PCDHGA6: variants seen among roughly 807,000 people sequenced by gnomAD.
PCDHGA6 encodes the protein protocadherin gamma subfamily A, 6.
Under a neutral mutation model 60.6 loss-of-function variants are expected in PCDHGA6, and 41 were observed. The ratio of observed to expected loss-of-function variants is 0.68; its 90% confidence interval spans 0.53 to 0.88. The LOEUF (loss-of-function observed/expected upper bound fraction) is 0.88, where lower values mean the gene tolerates loss of function less well. Among genes scored for constraint, PCDHGA6 ranks in the 40% least tolerant of loss-of-function variants. The probability of loss-of-function intolerance (pLI) is 0.00; values close to 1 mark genes in which losing one functional copy is unlikely to be tolerated. For synonymous variants in PCDHGA6, 594 were observed against 524.4 expected (o/e 1.13, Z -1.81); for missense variants, 1,312 against 1,203.0 (o/e 1.09, Z -1.34).
chr5:141,471,214 A>C (rs757487718), intron 1 of PCDHGA6: 2 of 149,606 alleles, frequency 1.3e-5, no homozygotes, highest in Non-Finnish European at 3.0e-5. Context: ...CATGCCTGGC[A>C]ATTTTTTTGT....
At position 141,476,455 on chromosome 5, in the gene PCDHGA6, G is replaced by A. The variant is rs572682842; in HGVS notation, c.2425-18352G>A. The A allele has an allele frequency of 1.2e-6, 2 of 1,614,034 alleles. No individual in the cohort carries two copies. The highest frequency in any genetic ancestry group is 2.2e-5 in the South Asian group (2 of 91,084). ...CTGTAACTCTGGAGTTGGTAGTGGA[G>A]AACCCGCTGGAGCTGTTCAGCGTGG... On this transcript the variant is annotated intron_variant, in intron 1 of 3. Coordinates refer to ENST00000517434, the MANE Select transcript of PCDHGA6 (RefSeq NM_018919.3). This position sits in a 1 kb window ranked among gnomAD's most constrained non-coding sequence, Gnocchi z 7.6.
intron 1 of PCDHGA6, among the ~76,000 whole-genome samples, chr5:141,447,450 C>G (rs540357899): frequency 1.3e-5 from 2 of 152,082 alleles, no homozygotes; most frequent in African/African-American, 2.4e-5. Context: ...AATTTTTAAC[C>G]TCAGTTTTTC....
chr5:141,473,798 T>C lies in PCDHGA6; in HGVS notation c.2425-21009T>C, dbSNP rs1202883137. 2.6e-5 allele frequency among the ~76,000 whole-genome samples: 4 copies of C among 152,350 alleles called. 1 individual carries two copies. The highest frequency in any genetic ancestry group is 6.8e-3 in the Middle Eastern group (2 of 294). On this transcript the variant is annotated intron_variant, in intron 1 of 3. Transcript: ENST00000517434. ...TTTTAATTCAAGAGCAGTATGATGCTACTGAGGAGCAGCTGGACAATTGTG... is the reference window on the plus strand; with the variant it reads ...TTTTAATTCAAGAGCAGTATGATGCCACTGAGGAGCAGCTGGACAATTGTG...
intron 1 of PCDHGA6, chr5:141,398,820 G>T (rs1376527266): frequency 1.2e-6 from 2 of 1,613,854 alleles, no homozygotes; most frequent in African/African-American, 2.7e-5. Flanking sequence ...TCCGGATCCA[G>T]GTAACCGACG....
chr5:141,423,011 T>C, intron 1 of PCDHGA6: 4 of 1,614,186 alleles, frequency 2.5e-6, no homozygotes, highest in Non-Finnish European at 3.4e-6. Flanking sequence ...GTGGTTGCGG[T>C]GGACAAAGAT....
In PCDHGA6 at chr5:141,374,472, C is replaced by T. The variant is rs749966400; in HGVS notation, c.389C>T (p.Thr130Ile). The T allele has an allele frequency of 5.0e-6, 8 of 1,612,276 alleles. No individual in the cohort carries two copies. The South Asian group carries it at 7.7e-5, about 15-fold the overall frequency. ...EVEIVDINDN[T>I]PRFLKEELEV... ...GAAATAGTGGACATTAATGACAATA[C>T]ACCCCGATTCTTAAAGGAAGAATTG... The change falls in exon 1 of 4, where the codon ACA becomes ATA. Residue 130 changes from threonine to isoleucine, a missense_variant. By Grantham distance (89) the Thr-to-Ile change is moderately conservative (BLOSUM62 -1). Transcript: ENST00000517434.
At chr5:141,427,965 C>G in intron 1 of PCDHGA6, 1 of 1,590,342 alleles carries the variant, frequency 6.3e-7, no homozygotes, top group Non-Finnish European at 8.6e-7. Flanking sequence ...GCCGCGGGTG[C>G]TGTACCCCGC....
chr5:141,385,424 C>CT, intron 1 of PCDHGA6: 1 of 1,461,926 alleles, frequency 6.8e-7, no homozygotes, highest in Admixed American at 2.8e-5. Flanking sequence ...ATTTAAAAAA[C>CT]TTTATAGAGG....
chr5:141,500,187 TATTTA>T (rs1467273493), intron 2 of PCDHGA6, among the ~76,000 whole-genome samples: 2 of 110,668 alleles, frequency 1.8e-5, no homozygotes, highest in Non-Finnish European at 3.6e-5. Flanking sequence ...TTTTTATTTT[TATTTA>T]TTTATTTATT....
At position 141,485,299 on chromosome 5, in the gene PCDHGA6, G is replaced by A; in HGVS notation, c.2425-9508G>A. On this transcript the variant is annotated intron_variant, in intron 1 of 3. Coordinates refer to ENST00000517434, the MANE Select transcript of PCDHGA6 (RefSeq NM_018919.3). The surrounding 1 kb of genome is among the most constrained non-coding windows in gnomAD (Gnocchi z 5.7). ...CGGTCCCAGAGGAGTCACAGGAAGG[G>A]ACTTTTGTAGGGAATGTCGCTCAAG... 1 of 1,614,180 alleles carries A rather than the reference G, an allele frequency of 6.2e-7. No individual in the cohort carries two copies. Among genetic ancestry groups the A allele is most frequent in the Non-Finnish European group, 8.5e-7 (1 of 1,180,012 alleles).
At chr5:141,433,235 C>T (rs1307904588) in intron 1 of PCDHGA6, 13 of 1,509,616 alleles carry the variant, frequency 8.6e-6, no homozygotes, top group Non-Finnish European at 1.1e-5. Context: ...GCTCTGTCTC[C>T]CAAGCTGGAA....
At chr5:141,379,736 T>G (rs1361966211) in intron 1 of PCDHGA6, 1 of 152,178 alleles carries the variant, frequency 6.6e-6, no homozygotes, top group Non-Finnish European at 1.5e-5. Context: ...AAGTTATGGC[T>G]AAATGAGGTT....
intron 1 of PCDHGA6, chr5:141,399,019 A>G (rs576771907): frequency 2.5e-6 from 4 of 1,613,932 alleles, no homozygotes; most frequent in East Asian, 2.2e-5. Context: ...CGGAGAAATT[A>G]CCACTCAAAA....
rs1342481070 is a variant in PCDHGA6 at position 141,485,056 on chromosome 5, C to T, written c.2425-9751C>T. 8 of 840,338 alleles carry T rather than the reference C, an allele frequency of 9.5e-6. No homozygotes were observed. The Admixed American group carries it at 1.9e-4, about 20-fold the overall frequency. 52.1% of individuals were successfully genotyped at this position (840,338 alleles called of 1,614,324 possible). A position where few individuals can be genotyped will look rare whatever the true frequency, so the allele number is the denominator to read the frequency against. The stretch of plus-strand genomic sequence containing the variant: ...CGTAACCCTTGCGGCGCCGGCCGAA[C>T]CGCGCCAGAGCTGGCGCGGGGAAAG... On this transcript the variant is annotated intron_variant, in intron 1 of 3. Transcript: ENST00000517434. The surrounding 1 kb of genome is among the most constrained non-coding windows in gnomAD (Gnocchi z 5.7).
intron 1 of PCDHGA6, chr5:141,484,949 A>G: frequency 1.8e-6 from 1 of 557,402 alleles, no homozygotes; most frequent in East Asian, 3.1e-5. Flanking sequence ...TGCTCAGCCT[A>G]TTGGCTGAGC....
At position 141,374,142 on chromosome 5, in the gene PCDHGA6, T is replaced by C. The variant is rs1270815703; in HGVS notation, c.59T>C (p.Leu20Pro). 6.2e-7 allele frequency: 1 copy of C among 1,610,314 alleles called. No individual in the cohort carries two copies. Among genetic ancestry groups the C allele is most frequent in the South Asian group, 1.1e-5 (1 of 90,864 alleles). ...RSEQVLLLTL[L>P]GTLWGAAAAQ... Reference sequence around the variant, plus strand: ...GAGCAGGTCCTGCTCCTCACGCTCCTGGGGACGCTGTGGGGGGCCGCGGCA... The same window carrying C: ...GAGCAGGTCCTGCTCCTCACGCTCCCGGGGACGCTGTGGGGGGCCGCGGCA... The change falls in exon 1 of 4, where the codon CTG (leucine) becomes CCG (proline). Residue 20 changes from leucine (L) to proline (P), a missense_variant. Coordinates refer to ENST00000517434, the MANE Select transcript of PCDHGA6 (RefSeq NM_018919.3).
intron 1 of PCDHGA6, chr5:141,405,100 G>A (rs764536213): frequency 1.2e-6 from 2 of 1,613,924 alleles, no homozygotes; most frequent in Non-Finnish European, 1.7e-6. Context: ...CCCTCAGGCT[G>A]AGGCACTGGC....
chr5:141,465,881 G>T (rs1000308014), intron 1 of PCDHGA6, among the ~76,000 whole-genome samples: 1 of 151,960 alleles, frequency 6.6e-6, no homozygotes, highest in African/African-American at 2.4e-5. Flanking sequence ...CCAGCACTTT[G>T]GGAGGCCGAG....
At chr5:141,378,827 A>G (rs983017381) in intron 1 of PCDHGA6, 1 of 152,256 alleles carries the variant, frequency 6.6e-6, no homozygotes, top group African/African-American at 2.4e-5. Flanking sequence ...TTTCATGAAC[A>G]GAAAACAGCA....
Sources: allele counts gnomAD v4.1 joint callset (sites outside exome capture counted in the v4.1 genomes callset), GRCh38; gene constraint gnomAD v4.1.1; non-coding constraint Gnocchi (gnomAD v3.1); transcripts MANE v1.5; gene names NCBI Gene and HGNC (gene_info 2026-07-23, HGNC 2026-07-21).